The following ADAMTS6 variants were observed in gnomAD, a reference collection of about 807,000 sequenced individuals.
The protein encoded by ADAMTS6 is ADAM metallopeptidase with thrombospondin type 1 motif 6, also known as A disintegrin and metalloproteinase with thrombospondin motifs 6.
In ADAMTS6, 23 loss-of-function variants were observed where a neutral mutation model predicts 144.3. The observed-to-expected ratio is 0.16, with a 90% CI of 0.11 to 0.23. ADAMTS6 has a LOEUF of 0.23. Among genes scored for constraint, ADAMTS6 ranks in the 10% least tolerant of loss-of-function variants. The pLI, the probability that ADAMTS6 is intolerant of heterozygous loss-of-function variation, is 1.00. For missense variants in ADAMTS6, 999 were observed against 1,379.6 expected, an observed-to-expected ratio of 0.72 and a Z score of 4.37; for synonymous variants, 444 against 457.5, an observed-to-expected ratio of 0.97 and a Z score of 0.38.
chr5:65,419,497 T>C (rs1344538856), intron 7 of ADAMTS6, among the ~76,000 whole-genome samples: 1 of 152,094 alleles, frequency 6.6e-6, no homozygotes, highest in South Asian at 2.1e-4. Flanking sequence ...AACCTCAGCA[T>C]CACACAATAT....
chr5:65,243,361 C>T (rs1429760010), intron 14 of ADAMTS6, among the ~76,000 whole-genome samples: 2 of 152,006 alleles, frequency 1.3e-5, no homozygotes, highest in Non-Finnish European at 2.9e-5. Context: ...TAACAATAGA[C>T]CACAATGTGC....
At chr5:65,322,705 C>T (rs1408578903) in intron 9 of ADAMTS6, among the ~76,000 whole-genome samples, 4 of 151,914 alleles carry the variant, frequency 2.6e-5, no homozygotes, top group Admixed American at 2.6e-4. Context: ...TATAGGAATG[C>T]TAGTGACTTT....
At chr5:65,436,494 A>T (rs1580704688) in intron 7 of ADAMTS6, among the ~76,000 whole-genome samples, 1 of 152,176 alleles carries the variant, frequency 6.6e-6, no homozygotes, top group Admixed American at 6.6e-5. Flanking sequence ...GCCAGGCTTC[A>T]TTCAAATCAT....
intron 24 of ADAMTS6, among the ~76,000 whole-genome samples, chr5:65,152,539 T>C (rs961654162): frequency 2.0e-5 from 3 of 152,238 alleles, no homozygotes; most frequent in East Asian, 1.9e-4. Flanking sequence ...CTGTGGGTTA[T>C]GGAAACATGT....
chr5:65,438,886 G>T (rs1465854736), intron 7 of ADAMTS6, among the ~76,000 whole-genome samples: 1 of 152,146 alleles, frequency 6.6e-6, no homozygotes, highest in South Asian at 2.1e-4. Context: ...AAAACACAAG[G>T]TGCGAACTCT....
At chr5:65,399,164 G>A (rs1753708045) in intron 7 of ADAMTS6, among the ~76,000 whole-genome samples, 1 of 152,152 alleles carries the variant, frequency 6.6e-6, no homozygotes, top group Non-Finnish European at 1.5e-5. Flanking sequence ...GGCTGAGGCA[G>A]GAGAATTGTT....
chr5:65,272,781 C>T (rs1762151756), intron 12 of ADAMTS6, among the ~76,000 whole-genome samples: 1 of 151,510 alleles, frequency 6.6e-6, no homozygotes, highest in African/African-American at 2.4e-5. Flanking sequence ...ATTAGCTGGG[C>T]GTGGTGGTGT....
At chr5:65,223,114 G>A (rs765737823) in intron 18 of ADAMTS6, among the ~76,000 whole-genome samples, 13 of 152,068 alleles carry the variant, frequency 8.5e-5, no homozygotes, top group Non-Finnish European at 1.6e-4. Context: ...AGAGCAGCTG[G>A]AACTCTTCTA....
chr5:65,374,478 G>A (rs1751307369), intron 7 of ADAMTS6, among the ~76,000 whole-genome samples: 1 of 149,850 alleles, frequency 6.7e-6, no homozygotes. Context: ...GACAAACAGA[G>A]AGCCAAATCA....
chr5:65,293,016 C>T (rs558401180), intron 10 of ADAMTS6, among the ~76,000 whole-genome samples: 9 of 151,866 alleles, frequency 5.9e-5, no homozygotes, highest in East Asian at 3.9e-4. Flanking sequence ...GGCTTTATTA[C>T]GTAAAATATC....
intron 7 of ADAMTS6, among the ~76,000 whole-genome samples, chr5:65,433,876 T>A (rs915256769): frequency 6.6e-6 from 1 of 152,294 alleles, no homozygotes; most frequent in Middle Eastern, 3.4e-3. Flanking sequence ...AACACAGGGT[T>A]ATCTATGGGC....
chr5:65,365,722 A>G (rs1017488764), intron 7 of ADAMTS6, among the ~76,000 whole-genome samples: 10 of 152,114 alleles, frequency 6.6e-5, no homozygotes, highest in Non-Finnish European at 1.3e-4. Flanking sequence ...CTAAGGGACT[A>G]GGAACCCTGT....
chr5:65,460,765 A>G (rs930889010), intron 3 of ADAMTS6, among the ~76,000 whole-genome samples: 2 of 152,116 alleles, frequency 1.3e-5, no homozygotes, highest in Non-Finnish European at 2.9e-5. Flanking sequence ...ACCTCTGAAT[A>G]CCTCTGCAGT....
chr5:65,249,548 C>G (rs1437686923), intron 14 of ADAMTS6, among the ~76,000 whole-genome samples: 2 of 152,132 alleles, frequency 1.3e-5, no homozygotes, highest in South Asian at 2.1e-4. Context: ...TGTTCTAAAG[C>G]CTTTTAAATA....
chr5:65,214,730 T>C lies in ADAMTS6; in HGVS notation c.2575+64A>G, dbSNP rs1377909987. ...TAGCTTTTTTAACAAACACAAAGCATAGCTCAGAATGTGTTTTGTTCTCCA... is the reference window on the plus strand; with the variant it reads ...TAGCTTTTTTAACAAACACAAAGCACAGCTCAGAATGTGTTTTGTTCTCCA... On this transcript the variant is annotated intron_variant, in intron 20 of 24. Transcript: ENST00000381055. The surrounding 1 kb of genome is among the most constrained non-coding windows in gnomAD (Gnocchi z 4.6). The C allele has an allele frequency of 6.2e-6, 10 of 1,608,038 alleles. No homozygotes were observed. Among genetic ancestry groups the C allele is most frequent in the South Asian group, 4.4e-5 (4 of 90,918 alleles).
intron 7 of ADAMTS6, among the ~76,000 whole-genome samples, chr5:65,360,208 T>C (rs907590998): frequency 1.2e-4 from 19 of 152,028 alleles, no homozygotes; most frequent in Non-Finnish European, 4.4e-5. Context: ...AGTGAGTCAC[T>C]TCAGATGGCC....
intron 7 of ADAMTS6, among the ~76,000 whole-genome samples, chr5:65,353,860 T>C (rs1749076778): frequency 6.6e-6 from 1 of 151,828 alleles, no homozygotes; most frequent in Non-Finnish European, 1.5e-5. Context: ...AACAAAAATA[T>C]ATGCAAAAAA....
intron 20 of ADAMTS6, among the ~76,000 whole-genome samples, chr5:65,203,599 C>G (rs1431664015): frequency 6.6e-6 from 1 of 152,066 alleles, no homozygotes; most frequent in Non-Finnish European, 1.5e-5. Context: ...GGAACCAAAT[C>G]TTGAAATATT....
intron 21 of ADAMTS6, among the ~76,000 whole-genome samples, chr5:65,191,826 T>G (rs972645048): frequency 6.6e-6 from 1 of 152,130 alleles, no homozygotes; most frequent in Non-Finnish European, 1.5e-5. Context: ...AATAAACATC[T>G]CTGAAGTTGT....
Sources: gnomAD v4.1 joint callset for allele counts (sites outside exome capture counted in the v4.1 genomes callset) on GRCh38, gnomAD v4.1.1 for gene constraint, Gnocchi (gnomAD v3.1) non-coding constraint, MANE v1.5 for transcripts, NCBI Gene and HGNC (gene_info 2026-07-23, HGNC 2026-07-21) for gene names.